GABRB3: variants seen among roughly 807,000 people sequenced by gnomAD.
The protein encoded by GABRB3 is gamma-aminobutyric acid type A receptor subunit beta3.
A neutral mutation model predicts 52.1 loss-of-function variants in GABRB3; 14 were observed. The observed-to-expected ratio is 0.27, with a 90% CI of 0.18 to 0.42. The LOEUF is 0.42. GABRB3 is among the 10% of genes least tolerant of loss of function. The probability of loss-of-function intolerance (pLI) is 1.00; values close to 1 mark genes in which losing one functional copy is unlikely to be tolerated. For missense variants in GABRB3, 307 were observed against 609.1 expected (o/e 0.50, Z 5.22); for synonymous variants, 260 against 232.3 (o/e 1.12, Z -1.08).
At chr15:26,685,123 T>C (rs1420736406) in intron 3 of GABRB3, among the ~76,000 whole-genome samples, 1 of 152,196 alleles carries the variant, frequency 6.6e-6, no homozygotes, top group Non-Finnish European at 1.5e-5. Context: ...TCCCATGGGA[T>C]GAAGCTCCAG....
upstream of GABRB3, among the ~76,000 whole-genome samples, chr15:26,773,328 G>A (rs917842848): frequency 6.6e-6 from 1 of 150,732 alleles, no homozygotes; most frequent in African/African-American, 2.4e-5. Flanking sequence ...GGAGTGCGGG[G>A]GCGACCTGGG....
At chr15:26,745,443 G>A (rs972722284) in intron 3 of GABRB3, among the ~76,000 whole-genome samples, 8 of 152,082 alleles carry the variant, frequency 5.3e-5, no homozygotes, top group African/African-American at 1.7e-4. Context: ...TACAATCCAC[G>A]ACCTCATTCA....
intron 3 of GABRB3, among the ~76,000 whole-genome samples, chr15:26,763,480 G>A (rs1022795269): frequency 9.9e-5 from 15 of 151,988 alleles, no homozygotes; most frequent in African/African-American, 3.6e-4. Context: ...TATACTTTTG[G>A]CCTGATATAT....
chr15:26,618,942 GA>G (rs1892372203), intron 4 of GABRB3, among the ~76,000 whole-genome samples: 1 of 148,486 alleles, frequency 6.7e-6, no homozygotes, highest in Non-Finnish European at 1.5e-5. Flanking sequence ...GGCCATCAGA[GA>G]AATGCAAATC....
intron 8 of GABRB3, among the ~76,000 whole-genome samples, chr15:26,549,175 T>C (rs1445291636): frequency 6.6e-6 from 1 of 152,240 alleles, no homozygotes; most frequent in Non-Finnish European, 1.5e-5. Context: ...TGTGTAGGAA[T>C]AATTTATTGC....
At chr15:26,769,350 C>G (rs1442713061) in intron 3 of GABRB3, among the ~76,000 whole-genome samples, 3 of 152,208 alleles carry the variant, frequency 2.0e-5, no homozygotes, top group African/African-American at 7.2e-5. Flanking sequence ...CTCATTCATT[C>G]TACCTCACCA....
chr15:26,624,905 A>G, intron 3 of GABRB3: 1 of 985,496 alleles, frequency 1.0e-6, no homozygotes, highest in South Asian at 4.7e-5. Context: ...GTGAGCACTG[A>G]GCCAGGAACA....
In GABRB3 at chr15:26,629,538, G is replaced by T. The variant is rs543620089; in HGVS notation, c.241-8004C>A. Among the ~76,000 whole-genome samples, 118 of 152,272 alleles carry T rather than the reference G, an allele frequency of 7.7e-4. 1 individual carries two copies. In the Middle Eastern group the frequency reaches 0.014, roughly 18 times the overall value. On this transcript the variant is annotated intron_variant, in intron 3 of 8. Transcript: ENST00000311550. The stretch of plus-strand genomic sequence containing the variant: ...AGGGGGTATTGGTGGAGAGGTCAGA[G>T]CTTGCAAAAATAGCAGCTTCCAGTG...
At position 26,750,456 on chromosome 15, in the gene GABRB3, T is replaced by G. The variant is rs1890472181; in HGVS notation, c.240+21946A>C. On this transcript the variant is annotated intron_variant, in intron 3 of 8. Transcript: ENST00000311550. ...GATATAATGGAAATGTCAATTTTTT[T>G]GTTAGGAAAGCATAAATTATGCTTT... Among the ~76,000 whole-genome samples, 3 of 152,216 alleles carry G rather than the reference T, an allele frequency of 2.0e-5. No individual in the cohort carries two copies. In the South Asian group the frequency reaches 6.2e-4, roughly 32 times the overall value.
chr15:26,694,280 A>C (rs1254085677), intron 3 of GABRB3, among the ~76,000 whole-genome samples: 1 of 152,204 alleles, frequency 6.6e-6, no homozygotes, highest in Non-Finnish European at 1.5e-5. Context: ...GGAGAAAAAG[A>C]GCTGAGAAGC....
At chr15:26,586,740 A>G (rs1025413932) in intron 4 of GABRB3, among the ~76,000 whole-genome samples, 7 of 150,690 alleles carry the variant, frequency 4.6e-5, no homozygotes, top group Non-Finnish European at 7.4e-5. Flanking sequence ...AAATTCTGAA[A>G]TTTGTGACAA....
intron 3 of GABRB3, among the ~76,000 whole-genome samples, chr15:26,682,430 C>G (rs1888267981): frequency 6.6e-6 from 1 of 152,198 alleles, no homozygotes; most frequent in South Asian, 2.1e-4. Flanking sequence ...CTGAGCAGGG[C>G]CCGTGAAAAG....
intron 6 of GABRB3, among the ~76,000 whole-genome samples, chr15:26,573,691 C>A (rs1022550119): frequency 2.0e-5 from 3 of 152,198 alleles, no homozygotes; most frequent in Non-Finnish European, 4.4e-5. Context: ...ACCGTCAAGA[C>A]AACCTACAGA....
At chr15:26,578,486 C>A (rs942231579) in intron 6 of GABRB3, among the ~76,000 whole-genome samples, 1 of 152,182 alleles carries the variant, frequency 6.6e-6, no homozygotes, top group Non-Finnish European at 1.5e-5. Context: ...ATGTGTTCTA[C>A]CACATACAGA....
At chr15:26,679,809 C>G (rs531183232) in intron 3 of GABRB3, among the ~76,000 whole-genome samples, 1 of 152,252 alleles carries the variant, frequency 6.6e-6, no homozygotes, top group African/African-American at 2.4e-5. Context: ...CCACTGGATC[C>G]ACAGCATAAA....
intron 3 of GABRB3, among the ~76,000 whole-genome samples, chr15:26,766,814 C>G (rs1233720144): frequency 6.6e-6 from 1 of 152,008 alleles, no homozygotes; most frequent in East Asian, 1.9e-4. Context: ...GACAACATAC[C>G]ATAAGATCCT....
chr15:26,687,720 T>G lies in GABRB3; in HGVS notation c.241-66186A>C, dbSNP rs547994794. The stretch of plus-strand genomic sequence containing the variant: ...AGCAAAATGGGGCAGGTCTTGCATT[T>G]TCCACACCGATTGCTTCTGCTGCCC... On this transcript the variant is annotated intron_variant, in intron 3 of 8. Coordinates refer to ENST00000311550, the MANE Select transcript of GABRB3 (RefSeq NM_000814.6). 2.0e-5 allele frequency among the ~76,000 whole-genome samples: 3 copies of G among 152,370 alleles called. No individual in the cohort carries two copies. The East Asian group carries it at 5.8e-4, about 29-fold the overall frequency.
At chr15:26,620,841 T>C (rs905032967) in intron 4 of GABRB3, among the ~76,000 whole-genome samples, 1 of 152,134 alleles carries the variant, frequency 6.6e-6, no homozygotes, top group African/African-American at 2.4e-5. Context: ...CATCAGGAAA[T>C]CTCTCACTTA....
chr15:26,639,207 C>T lies in GABRB3; in HGVS notation c.241-17673G>A, dbSNP rs547815311. Among the ~76,000 whole-genome samples the T allele has an allele frequency of 8.5e-5, 13 of 152,076 alleles. No homozygotes were observed. In the South Asian group the frequency reaches 1.9e-3, roughly 22 times the overall value. On this transcript the variant is annotated intron_variant, in intron 3 of 8. Coordinates refer to ENST00000311550, the MANE Select transcript of GABRB3 (RefSeq NM_000814.6). ...TAATCATGGCCATCAACCCAATGCC[C>T]GTTGTTAATTCCAAAATGACTAGGT... is the stretch of plus-strand genomic sequence containing the variant.
Sources: allele counts gnomAD v4.1 joint callset (sites outside exome capture counted in the v4.1 genomes callset), GRCh38; gene constraint gnomAD v4.1.1; transcripts MANE v1.5; gene names NCBI Gene and HGNC (gene_info 2026-07-23, HGNC 2026-07-21).